The following HECTD2 variants were observed in gnomAD, a reference collection of about 807,000 sequenced individuals.
HECTD2 encodes the protein probable E3 ubiquitin-protein ligase HECTD2.
Under a neutral mutation model 103.2 loss-of-function variants are expected in HECTD2, and 35 were observed. That is an observed-to-expected ratio of 0.34 (90% confidence interval 0.26 to 0.45). The LOEUF (loss-of-function observed/expected upper bound fraction) is 0.45, where lower values mean the gene tolerates loss of function less well. Ranked by LOEUF, HECTD2 falls within the 20% of genes least tolerant of loss-of-function variation. The pLI is 1.00. For synonymous variants in HECTD2, 281 were observed against 329.9 expected (o/e 0.85, Z 1.61); for missense variants, 596 against 937.4 (o/e 0.64, Z 4.76).
chr10:91,500,394 TACTA>T, intron 18 of HECTD2, 104 bp from the exon 19 acceptor site: 1 of 546,432 alleles, frequency 1.8e-6, no homozygotes, highest in Non-Finnish European at 3.3e-6. Flanking sequence ...TGGTTTGATT[TACTA>T]TGAGAAATCA....
At chr10:91,436,934 A>G (rs1363269766) in intron 2 of HECTD2, among the ~76,000 whole-genome samples, 1 of 152,056 alleles carries the variant, frequency 6.6e-6, no homozygotes, top group African/African-American at 2.4e-5. Flanking sequence ...AAACAACAAC[A>G]GAACCTTTTA....
chr10:91,422,572 C>T (rs1479729750), intron 1 of HECTD2, among the ~76,000 whole-genome samples: 1 of 152,118 alleles, frequency 6.6e-6, no homozygotes, highest in Non-Finnish European at 1.5e-5. Context: ...CTTATTTAAG[C>T]ATCCTAATAC....
At chr10:91,470,000 C>G (rs1845668098) in intron 5 of HECTD2, among the ~76,000 whole-genome samples, 1 of 152,164 alleles carries the variant, frequency 6.6e-6, no homozygotes, top group Admixed American at 6.5e-5. Flanking sequence ...GTATAGAGTT[C>G]AGTTCAACAA....
At chr10:91,416,532 T>G (rs1050543361) in intron 1 of HECTD2, among the ~76,000 whole-genome samples, 1 of 152,208 alleles carries the variant, frequency 6.6e-6, no homozygotes, top group Non-Finnish European at 1.5e-5. Flanking sequence ...GGCTATATCA[T>G]ATAACCTAGG....
At chr10:91,439,566 G>T (rs760260361) in intron 2 of HECTD2, among the ~76,000 whole-genome samples, 1 of 152,104 alleles carries the variant, frequency 6.6e-6, no homozygotes, top group Non-Finnish European at 1.5e-5. Context: ...GGCTATACAG[G>T]CTCTTTTTGG....
In HECTD2 at chr10:91,487,569, C is replaced by T; in HGVS notation, c.1095-113C>T. On this transcript the variant is annotated intron_variant, in intron 10 of 20. Coordinates refer to ENST00000298068, the MANE Select transcript of HECTD2 (RefSeq NM_182765.6). This position sits in a 1 kb window ranked among gnomAD's most constrained non-coding sequence, Gnocchi z 4.1. ...TACAATCATTTTGTATATGGTAAAACACAATCCAAAAGTAATGTTTTATAT... is the reference window on the plus strand; with the variant it reads ...TACAATCATTTTGTATATGGTAAAATACAATCCAAAAGTAATGTTTTATAT... The T allele has an allele frequency of 1.3e-6, 1 of 756,150 alleles. No individual in the cohort carries two copies. Among genetic ancestry groups the T allele is most frequent in the South Asian group, 1.4e-5 (1 of 70,918 alleles). The allele number at this position is 756,150 out of a possible 1,614,324, so 46.8% of individuals were successfully genotyped here.
intron 2 of HECTD2, among the ~76,000 whole-genome samples, chr10:91,445,973 C>T (rs549517756): frequency 5.1e-4 from 77 of 152,090 alleles, no homozygotes; most frequent in African/African-American, 1.8e-3. Context: ...TGAGCAGACA[C>T]CGAACTTGCT....
At chr10:91,427,291 A>C (rs1263324670) in intron 2 of HECTD2, among the ~76,000 whole-genome samples, 1 of 151,916 alleles carries the variant, frequency 6.6e-6, no homozygotes, top group Non-Finnish European at 1.5e-5. Context: ...TGCTATTGTG[A>C]ATAGTGCCGC....
At chr10:91,467,095 G>T (rs1466967273) in intron 5 of HECTD2, among the ~76,000 whole-genome samples, 2 of 152,042 alleles carry the variant, frequency 1.3e-5, no homozygotes, top group East Asian at 3.9e-4. Flanking sequence ...GGAAACCTGG[G>T]TGGGGCTACC....
chr10:91,506,609 A>C (rs1264737972), intron 20 of HECTD2, among the ~76,000 whole-genome samples: 2 of 152,026 alleles, frequency 1.3e-5, no homozygotes. Context: ...CAATAACAGG[A>C]TCTGAAATTG....
chr10:91,494,093 G>T (rs1248627976), intron 14 of HECTD2, among the ~76,000 whole-genome samples: 1 of 151,972 alleles, frequency 6.6e-6, no homozygotes, highest in Non-Finnish European at 1.5e-5. Flanking sequence ...TAGGAGATTG[G>T]ACAAGATGCC....
intron 13 of HECTD2, 108 bp downstream of exon 13, chr10:91,492,592 A>G (rs1846520792): frequency 2.3e-6 from 2 of 861,306 alleles, no homozygotes; most frequent in South Asian, 3.4e-5. Context: ...CTTTTTGTCC[A>G]TCGTAAATGT....
chr10:91,416,330 T>C (rs1320387705), intron 1 of HECTD2, among the ~76,000 whole-genome samples: 1 of 152,218 alleles, frequency 6.6e-6, no homozygotes, highest in Non-Finnish European at 1.5e-5. Flanking sequence ...TACAAAGCAC[T>C]CAGTGTTAGA....
In HECTD2 at chr10:91,499,105, A is replaced by G. The variant is rs146615071; in HGVS notation, c.1905A>G (p.Ala635=). ...LNKSIYKQFA[A]FYYGFHSVCA... is the part of the protein sequence containing the mutation. ...AATCCATCTATAAGCAGTTTGCTGCATTTTATTATGGATTTCATAGTGTGT... is the reference window on the plus strand; with the variant it reads ...AATCCATCTATAAGCAGTTTGCTGCGTTTTATTATGGATTTCATAGTGTGT... Residue 635 remains alanine, a synonymous_variant, in exon 18 of 21, where the codon GCA becomes GCG. Coordinates refer to ENST00000298068, the MANE Select transcript of HECTD2 (RefSeq NM_182765.6). 724 of 1,612,944 alleles carry G rather than the reference A, an allele frequency of 4.5e-4. No individual in the cohort carries two copies. Among genetic ancestry groups the G allele is most frequent in the Middle Eastern group, 8.3e-4 (5 of 6,018 alleles).
chr10:91,414,685 T>C (rs1401809611), intron 1 of HECTD2, among the ~76,000 whole-genome samples: 1 of 150,536 alleles, frequency 6.6e-6, no homozygotes, highest in African/African-American at 2.5e-5. Context: ...TGGCTGGCCA[T>C]TGAAAAATGA....
At chr10:91,462,499 T>C in intron 5 of HECTD2, 1 of 1,123,474 alleles carries the variant, frequency 8.9e-7, no homozygotes, top group East Asian at 3.6e-5. Context: ...GATCAGTGGT[T>C]CTTAAACATT....
intron 2 of HECTD2, among the ~76,000 whole-genome samples, chr10:91,444,679 A>T (rs9943307): frequency 6.6e-6 from 1 of 152,040 alleles, no homozygotes; most frequent in Non-Finnish European, 1.5e-5. Flanking sequence ...CTCACAGATG[A>T]TTCTTAAAAT....
intron 2 of HECTD2, among the ~76,000 whole-genome samples, chr10:91,430,502 G>A (rs976078610): frequency 2.6e-5 from 4 of 152,136 alleles, no homozygotes; most frequent in Admixed American, 6.5e-5. Flanking sequence ...CATTATTAAT[G>A]TGTGGGAGTC....
intron 5 of HECTD2, among the ~76,000 whole-genome samples, chr10:91,476,743 C>T (rs1050108607): frequency 1.6e-4 from 24 of 152,164 alleles, no homozygotes; most frequent in Non-Finnish European, 2.6e-4. Context: ...GGGCAAAGGG[C>T]GAGAGGAGTG....
Sources: allele counts gnomAD v4.1 joint callset (sites outside exome capture counted in the v4.1 genomes callset), GRCh38; gene constraint gnomAD v4.1.1; non-coding constraint Gnocchi (gnomAD v3.1); transcripts MANE v1.5; gene names NCBI Gene and HGNC (gene_info 2026-07-23, HGNC 2026-07-21).